Variants in YME1L1 observed in about 807,000 individuals in gnomAD.
YME1L1 encodes the protein ATP-dependent zinc metalloprotease YME1L1.
Under a neutral mutation model 90.4 loss-of-function variants are expected in YME1L1, and 39 were observed. The observed-to-expected ratio is 0.43, with a 90% CI of 0.33 to 0.56. The LOEUF is 0.56. YME1L1 is among the 20% of genes least tolerant of loss of function. YME1L1 has a pLI of 0.03. For synonymous variants in YME1L1, 284 were observed against 287.3 expected, an observed-to-expected ratio of 0.99 and a Z score of 0.12; for missense variants, 617 against 868.4, an observed-to-expected ratio of 0.71 and a Z score of 3.64.
chr10:27,144,697 A>T (rs554121285), intron 3 of YME1L1, among the ~76,000 whole-genome samples: 3 of 152,228 alleles, frequency 2.0e-5, no homozygotes, highest in African/African-American at 7.2e-5. Flanking sequence ...ACCTAAAATT[A>T]AAACAAACAA....
chr10:27,119,474 CTAA>C, intron 13 of YME1L1, 25 bp from the exon 14 acceptor site: 1 of 1,594,142 alleles, frequency 6.3e-7, no homozygotes, highest in Non-Finnish European at 8.5e-7. Context: ...GAACACAACG[CTAA>C]TAAGTCTAAA....
At chr10:27,146,842 T>C (rs1360491538) in intron 2 of YME1L1, 1 of 154,488 alleles carries the variant, frequency 6.5e-6, no homozygotes, top group African/African-American at 2.4e-5. Context: ...ATTTTCTCAA[T>C]ACTAACATAA....
Position 27,145,481 on chromosome 10 carries a change from G to T in YME1L1, c.278C>A (p.Ser93Tyr), listed in dbSNP as rs763523826. Residue 93 changes from serine to tyrosine, a missense_variant, in exon 3 of 19, where the codon TCC becomes TAC. Ser to Tyr is a moderately radical substitution (Grantham distance 144). Coordinates refer to ENST00000376016, the MANE Select transcript of YME1L1 (RefSeq NM_014263.4). Reference sequence around the variant, plus strand: ...AGAGACATGGGATGTATGCCAATGGGAAGAAATGTTTTTGCCTTTACAAAA... The same window carrying T: ...AGAGACATGGGATGTATGCCAATGGTAAGAAATGTTTTTGCCTTTACAAAA... The part of the protein sequence containing the change: ...PGFCKGKNIS[S>Y]HWHTSHVSAQ... The T allele has an allele frequency of 6.2e-7, 1 of 1,613,500 alleles. No individual in the cohort carries two copies. Among genetic ancestry groups the T allele is most frequent in the South Asian group, 1.1e-5 (1 of 91,056 alleles).
At chr10:27,114,694 G>A (rs2056793761) in intron 17 of YME1L1, 87 bp from the exon 18 acceptor site, 1 of 939,622 alleles carries the variant, frequency 1.1e-6, no homozygotes, top group South Asian at 1.6e-5. Flanking sequence ...TATATATAAG[G>A]AAACAAATAT....
intron 8 of YME1L1, among the ~76,000 whole-genome samples, chr10:27,128,076 G>A (rs949234595): frequency 1.3e-5 from 2 of 152,106 alleles, no homozygotes; most frequent in Admixed American, 6.5e-5. Context: ...AGGAACATAA[G>A]ATCTATCAAG....
At chr10:27,145,319 G>T in intron 3 of YME1L1, 109 bp downstream of exon 3, 1 of 914,262 alleles carries the variant, frequency 1.1e-6, no homozygotes, top group Non-Finnish European at 1.5e-6. Flanking sequence ...AAACACTTCA[G>T]GAAAGAACCC....
chr10:27,128,393 T>C (rs988238501), intron 8 of YME1L1, among the ~76,000 whole-genome samples: 2 of 152,142 alleles, frequency 1.3e-5, no homozygotes, highest in African/African-American at 4.8e-5. Flanking sequence ...GATGTCTACT[T>C]TCACTATGCT....
intron 8 of YME1L1, among the ~76,000 whole-genome samples, chr10:27,131,341 A>G (rs1056006302): frequency 6.0e-5 from 9 of 149,444 alleles, no homozygotes; most frequent in African/African-American, 2.2e-4. Context: ...CAGCAGCTAA[A>G]ATAGGGCCTA....
intron 8 of YME1L1, among the ~76,000 whole-genome samples, chr10:27,129,543 C>T (rs1473875395): frequency 6.6e-6 from 1 of 152,078 alleles, no homozygotes; most frequent in Admixed American, 6.6e-5. Context: ...CCTCAGATCA[C>T]GTACTTCAAA....
chr10:27,154,215 G>C lies in YME1L1; in HGVS notation c.-5C>G, dbSNP rs1267196983. On this transcript the variant is annotated 5_prime_UTR_variant, in exon 1 of 19. Coordinates refer to ENST00000376016, the MANE Select transcript of YME1L1 (RefSeq NM_014263.4). The stretch of plus-strand genomic sequence containing the variant: ...CGTGCTCGACAAGGAAAACATCTCC[G>C]GCGGGCCCTCAGCGACCTCACCCGC... 7 of 1,588,866 alleles carry C rather than the reference G, an allele frequency of 4.4e-6. No individual in the cohort carries two copies. The highest frequency in any genetic ancestry group is 1.7e-4 in the Middle Eastern group (1 of 6,028).
At chr10:27,136,914 C>T (rs559636595) in intron 4 of YME1L1, among the ~76,000 whole-genome samples, 1 of 151,354 alleles carries the variant, frequency 6.6e-6, no homozygotes, top group African/African-American at 2.4e-5. Context: ...TGAGCCACCG[C>T]GCCTGGCCTA....
chr10:27,136,854 C>T (rs1055095821), intron 4 of YME1L1, among the ~76,000 whole-genome samples: 1 of 151,966 alleles, frequency 6.6e-6, no homozygotes, highest in African/African-American at 2.4e-5. Context: ...GCCTCCTAAC[C>T]TCAGGTGATC....
chr10:27,120,702 T>C (rs1389444187), intron 12 of YME1L1, among the ~76,000 whole-genome samples, 155 bp from the exon 13 acceptor site: 1 of 152,226 alleles, frequency 6.6e-6, no homozygotes, highest in East Asian at 1.9e-4. Flanking sequence ...CTTTAAAACA[T>C]GGCTCAAGTA....
chr10:27,140,515 T>C (rs746013399), intron 4 of YME1L1, among the ~76,000 whole-genome samples: 2 of 152,244 alleles, frequency 1.3e-5, no homozygotes, highest in Non-Finnish European at 2.9e-5. Flanking sequence ...AGTCTCGCTC[T>C]GTTGCCAGGC....
intron 14 of YME1L1, 85 bp downstream of exon 14, chr10:27,119,209 G>A: frequency 2.3e-6 from 3 of 1,278,828 alleles, no homozygotes; most frequent in Non-Finnish European, 3.1e-6. Flanking sequence ...CATGGCTTTA[G>A]CTGTTTGAAT....
At position 27,145,607 on chromosome 10, in the gene YME1L1, C is replaced by T. The variant is rs771392865; in HGVS notation, c.169-17G>A. ...AAGTGAAGGCTGTAAAAGATTGGGT[C>T]AACCAGGTATGCATTAATATTATCA... is the stretch of plus-strand genomic sequence containing the variant. On this transcript the variant is annotated splice_polypyrimidine_tract_variant and intron_variant, in intron 2 of 18. Transcript: ENST00000376016. 6.2e-7 allele frequency: 1 copy of T among 1,603,182 alleles called. No homozygotes were observed. The highest frequency in any genetic ancestry group is 1.3e-5 in the African/African-American group (1 of 74,776).
chr10:27,116,589 C>A (rs184835795), intron 15 of YME1L1, among the ~76,000 whole-genome samples: 9 of 152,188 alleles, frequency 5.9e-5, no homozygotes, highest in African/African-American at 2.2e-4. Flanking sequence ...TCACTTGAAG[C>A]CAGGAGACAG....
intron 8 of YME1L1, 34 bp downstream of exon 8, chr10:27,131,825 G>A: frequency 6.6e-7 from 1 of 1,505,366 alleles, no homozygotes; most frequent in Non-Finnish European, 9.2e-7. Flanking sequence ...ATTAGAGGAT[G>A]TATGAAGAAG....
intron 15 of YME1L1, among the ~76,000 whole-genome samples, chr10:27,116,799 G>A (rs994494522): frequency 6.6e-6 from 1 of 151,948 alleles, no homozygotes; most frequent in African/African-American, 2.4e-5. Context: ...AGGCTGAGGT[G>A]TGAGGATCAC....
Sources: allele counts gnomAD v4.1 joint callset (sites outside exome capture counted in the v4.1 genomes callset), GRCh38; gene constraint gnomAD v4.1.1; transcripts MANE v1.5; gene names NCBI Gene and HGNC (gene_info 2026-07-23, HGNC 2026-07-21).